The following SLC14A2 variants were observed in gnomAD, a reference collection of about 807,000 sequenced individuals.
SLC14A2 encodes the protein urea transporter 2.
Under a neutral mutation model 104.6 loss-of-function variants are expected in SLC14A2, and 91 were observed. The observed-to-expected ratio is 0.87, with a 90% CI of 0.73 to 1.04. The LOEUF is 1.04. Among genes scored for constraint, SLC14A2 ranks in the 50% least tolerant of loss-of-function variants. The pLI is 0.00. For missense variants in SLC14A2, 1,189 were observed against 1,156.0 expected (o/e 1.03, Z -0.41); for synonymous variants, 476 against 466.4 (o/e 1.02, Z -0.27).
chr18:45,370,349 G>C (rs2085709941), intron 1 of SLC14A2, among the ~76,000 whole-genome samples: 1 of 152,174 alleles, frequency 6.6e-6, no homozygotes. Context: ...GGCTGGTGAA[G>C]AAGTAAATCC....
At chr18:45,388,900 C>T (rs1048384282) in intron 1 of SLC14A2, among the ~76,000 whole-genome samples, 4 of 152,036 alleles carry the variant, frequency 2.6e-5, no homozygotes, top group Admixed American at 6.6e-5. Context: ...AAAGAAGGCA[C>T]ATTGATGGGC....
intron 1 of SLC14A2, among the ~76,000 whole-genome samples, chr18:45,382,145 G>A (rs910217384): frequency 7.9e-5 from 12 of 152,140 alleles, no homozygotes; most frequent in African/African-American, 2.9e-4. Flanking sequence ...TTTATGGTTG[G>A]CCACTCCCAG....
At chr18:45,393,322 G>A (rs140164539) in intron 1 of SLC14A2, among the ~76,000 whole-genome samples, 87 of 152,264 alleles carry the variant, frequency 5.7e-4, no homozygotes, top group South Asian at 3.9e-3. Context: ...GCCTAAACAC[G>A]CCTCATCCCC....
chr18:45,501,338 A>G (rs2043196274), intron 2 of SLC14A2, among the ~76,000 whole-genome samples: 1 of 152,210 alleles, frequency 6.6e-6, no homozygotes, highest in Non-Finnish European at 1.5e-5. Flanking sequence ...GCCACAAACT[A>G]TGAGTAAGTC....
chr18:45,210,506 G>A (rs190978058), upstream of SLC14A2, among the ~76,000 whole-genome samples: 222 of 152,292 alleles, frequency 1.5e-3, 1 homozygote, highest in Non-Finnish European at 6.6e-4. Context: ...TTGAACCCAG[G>A]AGTTCGAGGC....
chr18:45,570,047 A>G (rs1457186541), intron 2 of SLC14A2, among the ~76,000 whole-genome samples: 2 of 152,222 alleles, frequency 1.3e-5, no homozygotes, highest in Non-Finnish European at 2.9e-5. Flanking sequence ...ATGGTTCCAG[A>G]TAATCAGGAA....
chr18:45,558,954 C>T (rs1403949191), intron 2 of SLC14A2, among the ~76,000 whole-genome samples: 1 of 152,110 alleles, frequency 6.6e-6, no homozygotes, highest in Non-Finnish European at 1.5e-5. Flanking sequence ...CCACACCTGG[C>T]TAATTTTTTG....
intron 1 of SLC14A2, among the ~76,000 whole-genome samples, chr18:45,216,422 C>T (rs907707995): frequency 4.6e-5 from 7 of 152,192 alleles, no homozygotes; most frequent in African/African-American, 1.4e-4. Context: ...TTCCTGAATA[C>T]TTTGTGCTGG....
rs569411787 is a variant in SLC14A2, at chr18:45,523,817, A to G, written c.-35+40495A>G. 5.8e-4 allele frequency among the ~76,000 whole-genome samples: 88 copies of G among 152,236 alleles called. No homozygotes were observed. The Middle Eastern group carries it at 0.014, about 24-fold the overall frequency. On this transcript the variant is annotated intron_variant, in intron 2 of 20. Transcript: ENST00000586448. ...ATTTCACTTTTCCCAGGTCGTCCAG[A>G]TCTCTGGCCACATTTGTTGAGAACT...
intron 1 of SLC14A2, among the ~76,000 whole-genome samples, chr18:45,452,986 A>G (rs2086881111): frequency 1.3e-5 from 2 of 152,158 alleles, no homozygotes; most frequent in African/African-American, 2.4e-5. Context: ...GGGTGACCAT[A>G]TACTTAGTGT....
chr18:45,510,837 C>G (rs1368899600), intron 2 of SLC14A2, among the ~76,000 whole-genome samples: 1 of 152,264 alleles, frequency 6.6e-6, no homozygotes, highest in African/African-American at 2.4e-5. Flanking sequence ...ACTCACCTCA[C>G]TTTGCATTCA....
chr18:45,329,422 A>T (rs891493515), intron 1 of SLC14A2, among the ~76,000 whole-genome samples: 1 of 152,174 alleles, frequency 6.6e-6, no homozygotes, highest in African/African-American at 2.4e-5. Context: ...TCAAATAACC[A>T]TCAATTTGCA....
At chr18:45,403,166 C>T (rs1372454394) in intron 1 of SLC14A2, among the ~76,000 whole-genome samples, 1 of 152,188 alleles carries the variant, frequency 6.6e-6, no homozygotes. Flanking sequence ...TCACCATGTC[C>T]TCGTATGTTC....
At chr18:45,240,091 CTTTTTTTT>C (rs763802776) in intron 1 of SLC14A2, among the ~76,000 whole-genome samples, 10 of 89,648 alleles carry the variant, frequency 1.1e-4, no homozygotes, top group Admixed American at 4.1e-4. Context: ...GCAAATATCT[CTTTTTTTT>C]TTTTTTTTTT....
intron 1 of SLC14A2, among the ~76,000 whole-genome samples, chr18:45,245,973 T>C (rs1314225159): frequency 2.0e-5 from 3 of 152,234 alleles, no homozygotes; most frequent in Admixed American, 1.3e-4. Context: ...GAGCAGCTTC[T>C]GTGTAGATTC....
chr18:45,182,618 T>C, the SLC14A2 span, among the ~76,000 whole-genome samples: 19 of 152,000 alleles, frequency 1.3e-4, no homozygotes, highest in African/African-American at 4.6e-4. Flanking sequence ...AGCTTTCCTA[T>C]GTTTCACAAA....
intron 1 of SLC14A2, among the ~76,000 whole-genome samples, chr18:45,314,422 A>C (rs2085108690): frequency 6.6e-6 from 1 of 152,218 alleles, no homozygotes; most frequent in Non-Finnish European, 1.5e-5. Context: ...CCTAACCATG[A>C]TAATGCAACC....
At chr18:45,215,763 A>C (rs1188964444) in intron 1 of SLC14A2, among the ~76,000 whole-genome samples, 2 of 152,216 alleles carry the variant, frequency 1.3e-5, no homozygotes, top group African/African-American at 4.8e-5. Flanking sequence ...ACGATTATTA[A>C]TATTCTAAGG....
intron 1 of SLC14A2, among the ~76,000 whole-genome samples, chr18:45,284,399 G>A (rs2084792870): frequency 6.6e-6 from 1 of 152,160 alleles, no homozygotes; most frequent in Non-Finnish European, 1.5e-5. Flanking sequence ...GAAGTAGTAT[G>A]TTTCTCCCCT....
Sources: gnomAD v4.1 joint callset for allele counts (sites outside exome capture counted in the v4.1 genomes callset) on GRCh38, gnomAD v4.1.1 for gene constraint, MANE v1.5 for transcripts, NCBI Gene and HGNC (gene_info 2026-07-23, HGNC 2026-07-21) for gene names.